ZFHX3: variants seen among roughly 807,000 people sequenced by gnomAD.
ZFHX3 encodes the protein zinc finger homeobox 3, also known as zinc finger homeobox protein 3.
A neutral mutation model predicts 279.1 loss-of-function variants in ZFHX3; 42 were observed. The observed-to-expected ratio is 0.15, with a 90% CI of 0.12 to 0.19. ZFHX3 has a LOEUF of 0.19. Among genes scored for constraint, ZFHX3 ranks in the 10% least tolerant of loss-of-function variants. ZFHX3 has a pLI of 1.00. For synonymous variants in ZFHX3, 2,293 were observed against 1,957.8 expected (o/e 1.17, Z -4.52); for missense variants, 4,981 against 4,754.0 (o/e 1.05, Z -1.40).
intron 1 of ZFHX3, among the ~76,000 whole-genome samples, chr16:73,836,834 C>T (rs542590635): frequency 3.3e-5 from 5 of 152,188 alleles, no homozygotes; most frequent in Non-Finnish European, 7.3e-5. Flanking sequence ...TCTTAGGACA[C>T]TGGGTTAGTT....
In ZFHX3 at chr16:73,460,023, A is replaced by T. The variant is rs190025664; in HGVS notation, c.-1546-3765T>A. Among the ~76,000 whole-genome samples, 27 of 152,340 alleles carry T rather than the reference A, an allele frequency of 1.8e-4. No homozygotes were observed. In the South Asian group the frequency reaches 2.1e-3, roughly 12 times the overall value. On this transcript the variant is annotated intron_variant, in intron 2 of 17. Coordinates refer to the ZFHX3 transcript ENST00000641206. ...ATAATATTTCCAAAACCACAGTACA[A>T]TATGACAATCAGGATAGTGACCTTG...
intron 5 of ZFHX3, among the ~76,000 whole-genome samples, chr16:73,211,286 G>C (rs1038831393): frequency 6.6e-6 from 1 of 152,268 alleles, no homozygotes; most frequent in Admixed American, 6.5e-5. Flanking sequence ...GCAAAGTGTG[G>C]AAAAATAGGG....
At chr16:73,535,220 C>G (rs888636295) in intron 2 of ZFHX3, among the ~76,000 whole-genome samples, 8 of 152,170 alleles carry the variant, frequency 5.3e-5, no homozygotes, top group African/African-American at 1.9e-4. Flanking sequence ...GCATATATAA[C>G]TTCAAAAGCA....
intron 4 of ZFHX3, among the ~76,000 whole-genome samples, chr16:73,276,329 G>A (rs12149954): frequency 0.14 from 21,136 of 151,808 alleles, 1,541 homozygotes; most frequent in East Asian, 0.2. Context: ...GATTACAGGT[G>A]CACATCACCA....
chr16:73,490,034 C>A (rs1317728240), intron 2 of ZFHX3, among the ~76,000 whole-genome samples: 1 of 152,184 alleles, frequency 6.6e-6, no homozygotes, highest in Non-Finnish European at 1.5e-5. Context: ...ATAATTGTTA[C>A]AAATTTCTGT....
intron 3 of ZFHX3, among the ~76,000 whole-genome samples, chr16:73,394,367 G>A (rs1009528024): frequency 1.3e-5 from 2 of 151,698 alleles, no homozygotes; most frequent in African/African-American, 2.4e-5. Context: ...TGCGATCTTG[G>A]CCCACTGCAA....
At chr16:73,682,576 A>G (rs915077120) in intron 1 of ZFHX3, among the ~76,000 whole-genome samples, 16 of 151,950 alleles carry the variant, frequency 1.1e-4, no homozygotes, top group Non-Finnish European at 8.8e-5. Flanking sequence ...ACCTGAGGTC[A>G]AGAGTTTGAG....
At position 73,308,224 on chromosome 16, in the gene ZFHX3, CATATATATATATAT is replaced by C. The variant is rs56199536; in HGVS notation, c.-1194+10002_-1194+10015del. 6.0e-3 allele frequency among the ~76,000 whole-genome samples: 647 copies of C among 108,538 alleles called. 3 individuals are homozygous for C. The highest frequency in any genetic ancestry group is 9.8e-3 in the African/African-American group (237 of 24,298). 71.2% of individuals were successfully genotyped at this position (108,538 alleles called of 152,430 possible). A position where few individuals can be genotyped will look rare whatever the true frequency, so the allele number is the denominator to read the frequency against. On this transcript the variant is annotated intron_variant, in intron 4 of 17. Coordinates refer to the ZFHX3 transcript ENST00000641206. ...TTGAGTTATCTGAGCCATATGCATGCATATATATATATATATATATATATATATATATATATATA... is the reference window on the plus strand; with the variant it reads ...TTGAGTTATCTGAGCCATATGCATGCATATATATATATATATATATATATA...
intron 1 of ZFHX3, among the ~76,000 whole-genome samples, chr16:72,977,870 T>C (rs1201782543): frequency 6.6e-6 from 1 of 150,422 alleles, no homozygotes; most frequent in Admixed American, 6.6e-5. Flanking sequence ...TTTTCTTTTT[T>C]CTTTTTTTTT....
chr16:73,430,151 A>G (rs1219860540), intron 3 of ZFHX3, among the ~76,000 whole-genome samples: 1 of 151,884 alleles, frequency 6.6e-6, no homozygotes, highest in Admixed American at 6.6e-5. Context: ...TGGCCTCTCA[A>G]AGCACTGGGA....
chr16:73,193,014 A>C (rs1968075403), intron 5 of ZFHX3, among the ~76,000 whole-genome samples: 1 of 152,158 alleles, frequency 6.6e-6, no homozygotes, highest in Non-Finnish European at 1.5e-5. Context: ...GATTAAATGA[A>C]ATAATGGAAG....
At chr16:73,715,919 GTCTT>G (rs1009378223) in intron 1 of ZFHX3, among the ~76,000 whole-genome samples, 2 of 152,048 alleles carry the variant, frequency 1.3e-5, no homozygotes, top group African/African-American at 4.8e-5. Flanking sequence ...AAATCCAGTG[GTCTT>G]TCTAACAGCA....
intron 2 of ZFHX3, among the ~76,000 whole-genome samples, chr16:73,516,368 G>A (rs993644854): frequency 4.6e-5 from 7 of 152,044 alleles, no homozygotes; most frequent in Admixed American, 2.0e-4. Flanking sequence ...TATGTTAACC[G>A]CACATAAGAG....
intron 3 of ZFHX3, among the ~76,000 whole-genome samples, chr16:73,354,644 CA>C (rs2016305133): frequency 6.6e-6 from 1 of 152,202 alleles, no homozygotes; most frequent in African/African-American, 2.4e-5. Flanking sequence ...AACAGGAGGC[CA>C]AGAATTTTCC....
chr16:73,037,284 T>C (rs1964944428), intron 1 of ZFHX3, among the ~76,000 whole-genome samples: 1 of 152,214 alleles, frequency 6.6e-6, no homozygotes, highest in Non-Finnish European at 1.5e-5. Flanking sequence ...TGAAATTTCA[T>C]GGTTACTGTA....
intron 2 of ZFHX3, among the ~76,000 whole-genome samples, chr16:73,529,511 G>A (rs1020713304): frequency 1.3e-5 from 2 of 152,140 alleles, no homozygotes; most frequent in Non-Finnish European, 2.9e-5. Flanking sequence ...GTGACACTCA[G>A]AGACAGCAAA....
chr16:73,887,401 T>A (rs2030381744), intron 1 of ZFHX3, among the ~76,000 whole-genome samples: 1 of 152,162 alleles, frequency 6.6e-6, no homozygotes, highest in African/African-American at 2.4e-5. Context: ...CTTAAAACAT[T>A]CCTCTGAGTC....
At chr16:73,405,592 GTT>G (rs74851836) in intron 3 of ZFHX3, among the ~76,000 whole-genome samples, 41,968 of 146,544 alleles carry the variant, frequency 0.29, 7,586 homozygotes, top group East Asian at 0.56. Context: ...TTTGTTTTTT[GTT>G]TTTTTTTTTT....
intron 4 of ZFHX3, among the ~76,000 whole-genome samples, chr16:72,866,507 G>C (rs1433050566): frequency 1.3e-5 from 2 of 152,144 alleles, no homozygotes; most frequent in Non-Finnish European, 2.9e-5. Context: ...TACCTGAAAA[G>C]GTAAGAAATC....
Sources: gnomAD v4.1 joint callset for allele counts (sites outside exome capture counted in the v4.1 genomes callset) on GRCh38, gnomAD v4.1.1 for gene constraint, MANE v1.5 for transcripts, NCBI Gene and HGNC (gene_info 2026-07-23, HGNC 2026-07-21) for gene names.